SDK1: variants seen among roughly 807,000 people sequenced by gnomAD.
SDK1 encodes the protein sidekick cell adhesion molecule 1.
A neutral mutation model predicts 245.5 loss-of-function variants in SDK1; 157 were observed. The observed-to-expected ratio is 0.64, with a 90% CI of 0.56 to 0.73. The LOEUF is 0.73. Among genes scored for constraint, SDK1 ranks in the 30% least tolerant of loss-of-function variants. The pLI is 0.00. For synonymous variants in SDK1, 1,647 were observed against 1,278.5 expected (o/e 1.29, Z -6.15); for missense variants, 3,583 against 3,002.3 (o/e 1.19, Z -4.52).
chr7:3,555,442 A>G (rs775230626), intron 1 of SDK1, among the ~76,000 whole-genome samples: 11 of 152,180 alleles, frequency 7.2e-5, no homozygotes, highest in Non-Finnish European at 8.8e-5. Context: ...TGGATTAAAA[A>G]CTTTAAGATG....
chr7:4,001,660 A>G (rs1344608047), intron 14 of SDK1, among the ~76,000 whole-genome samples: 1 of 152,244 alleles, frequency 6.6e-6, no homozygotes, highest in African/African-American at 2.4e-5. Flanking sequence ...TGGTTTCTCT[A>G]AAGACATATA....
chr7:3,320,220 G>C (rs767976002), intron 1 of SDK1, among the ~76,000 whole-genome samples: 2 of 151,908 alleles, frequency 1.3e-5, no homozygotes, highest in Non-Finnish European at 2.9e-5. Flanking sequence ...GCATTCTGGA[G>C]ACCTGAGTCT....
chr7:3,430,898 T>A (rs1349490739), intron 1 of SDK1, among the ~76,000 whole-genome samples: 4 of 152,118 alleles, frequency 2.6e-5, no homozygotes, highest in African/African-American at 9.7e-5. Context: ...TCTTTTACCT[T>A]TTTTTGTTCG....
intron 22 of SDK1, among the ~76,000 whole-genome samples, chr7:4,086,831 C>A (rs1203864414): frequency 6.6e-6 from 1 of 152,130 alleles, no homozygotes; most frequent in Non-Finnish European, 1.5e-5. Flanking sequence ...CCTCATTCAG[C>A]CTCAAGCTAG....
intron 4 of SDK1, among the ~76,000 whole-genome samples, chr7:3,701,447 T>G (rs930674517): frequency 8.5e-5 from 13 of 152,132 alleles, no homozygotes; most frequent in Non-Finnish European, 1.8e-4. Context: ...CAGAAAAGAT[T>G]GTTCTAGTTG....
chr7:3,809,670 C>A (rs1020314928), intron 4 of SDK1, among the ~76,000 whole-genome samples: 4 of 152,194 alleles, frequency 2.6e-5, no homozygotes, highest in Non-Finnish European at 4.4e-5. Flanking sequence ...CTATTATTTG[C>A]TTTTAAAGAA....
At chr7:3,939,865 T>C (rs951166995) in intron 5 of SDK1, among the ~76,000 whole-genome samples, 5 of 152,186 alleles carry the variant, frequency 3.3e-5, no homozygotes, top group African/African-American at 1.2e-4. Context: ...CAGAGAAAGG[T>C]GACAGTCTTC....
chr7:3,639,810 CAT>C (rs773883482), intron 3 of SDK1, among the ~76,000 whole-genome samples: 9 of 151,652 alleles, frequency 5.9e-5, no homozygotes, highest in African/African-American at 9.7e-5. Flanking sequence ...ATAATAGAGA[CAT>C]AACATATATA....
intron 4 of SDK1, among the ~76,000 whole-genome samples, chr7:3,674,433 G>A (rs566983534): frequency 1.3e-5 from 2 of 152,232 alleles, no homozygotes; most frequent in East Asian, 3.9e-4. Flanking sequence ...TGAGCAAGAA[G>A]AAGAAACATT....
intron 4 of SDK1, among the ~76,000 whole-genome samples, chr7:3,721,004 G>A (rs1785351082): frequency 6.6e-6 from 1 of 152,214 alleles, no homozygotes. Context: ...AATGGTCACA[G>A]ACCGCATGAG....
chr7:3,581,501 T>G (rs1015428948), intron 1 of SDK1, among the ~76,000 whole-genome samples: 11 of 152,032 alleles, frequency 7.2e-5, no homozygotes, highest in African/African-American at 2.7e-4. Context: ...AAATAACAGA[T>G]GTGGGCCAGG....
chr7:3,588,812 C>CT (rs1780769521), intron 1 of SDK1, among the ~76,000 whole-genome samples: 1 of 152,176 alleles, frequency 6.6e-6, no homozygotes, highest in African/African-American at 2.4e-5. Flanking sequence ...TGCATCACTA[C>CT]TTTGGATGAT....
Position 4,175,776 on chromosome 7 carries a change from C to T in SDK1, c.4938C>T (p.Ala1646=). Residue 1646 remains alanine, a splice_region_variant and synonymous_variant, in exon 34 of 45, where the codon GCC becomes GCT. Transcript: ENST00000404826. ...NPIALHAELT[A]QSSFKTVNSS... is the part of the protein sequence containing the mutation. The stretch of plus-strand genomic sequence containing the variant: ...TTTCTGCTTTGCTTACCCCAATAGC[C>T]CAAAGCAGCTTCAAGACGGTGAACA... 1.9e-6 allele frequency: 3 copies of T among 1,613,822 alleles called. No homozygotes were observed. Among genetic ancestry groups the T allele is most frequent in the Non-Finnish European group, 2.5e-6 (3 of 1,179,816 alleles).
chr7:3,895,779 G>T (rs1050397425), intron 5 of SDK1, among the ~76,000 whole-genome samples: 10 of 152,110 alleles, frequency 6.6e-5, no homozygotes, highest in Non-Finnish European at 1.3e-4. Flanking sequence ...TTTATGTTGG[G>T]TCTTCATTTT....
chr7:3,483,248 G>C (rs1345576848), intron 1 of SDK1, among the ~76,000 whole-genome samples: 1 of 152,114 alleles, frequency 6.6e-6, no homozygotes, highest in East Asian at 1.9e-4. Flanking sequence ...ATATCTTTTA[G>C]TTTATTCAGG....
chr7:4,215,068 G>A (rs929813613), intron 38 of SDK1, among the ~76,000 whole-genome samples: 5 of 152,184 alleles, frequency 3.3e-5, no homozygotes, highest in African/African-American at 9.7e-5. Flanking sequence ...GGACCCTGGC[G>A]CTCGCCTGCC....
At chr7:3,626,230 A>C (rs1782118521) in intron 2 of SDK1, among the ~76,000 whole-genome samples, 1 of 151,974 alleles carries the variant, frequency 6.6e-6, no homozygotes, top group Non-Finnish European at 1.5e-5. Context: ...GTGAGCCACC[A>C]CTTCCAGACC....
Position 4,093,671 on chromosome 7 carries a change from G to A in SDK1, c.3324+14087G>A, listed in dbSNP as rs576966432. On this transcript the variant is annotated intron_variant, in intron 22 of 44. Coordinates refer to ENST00000404826, the MANE Select transcript of SDK1 (RefSeq NM_152744.4). ...GACGCTTAGAGACGCCGAGGCTGCCGGCGGCGTCGACAGCGACAGCGTTTG... is the reference window on the plus strand; with the variant it reads ...GACGCTTAGAGACGCCGAGGCTGCCAGCGGCGTCGACAGCGACAGCGTTTG... Among the ~76,000 whole-genome samples the A allele has an allele frequency of 7.9e-5, 12 of 152,300 alleles. No individual in the cohort carries two copies. The East Asian group carries it at 1.2e-3, about 15-fold the overall frequency.
At chr7:3,375,490 G>A (rs1285972117) in intron 1 of SDK1, among the ~76,000 whole-genome samples, 1 of 152,176 alleles carries the variant, frequency 6.6e-6, no homozygotes, top group Non-Finnish European at 1.5e-5. Context: ...CTCCTTACAT[G>A]TGTAGGGCTG....
Sources: allele counts gnomAD v4.1 joint callset (sites outside exome capture counted in the v4.1 genomes callset), GRCh38; gene constraint gnomAD v4.1.1; transcripts MANE v1.5; gene names NCBI Gene and HGNC (gene_info 2026-07-23, HGNC 2026-07-21).